Variants in CDH23 observed in about 807,000 individuals in gnomAD.
CDH23 encodes the protein cadherin-23.
In CDH23, 189 loss-of-function variants were observed where a neutral mutation model predicts 317.1. That is an observed-to-expected ratio of 0.60 (90% confidence interval 0.53 to 0.67). CDH23 has a LOEUF of 0.67. Ranked by LOEUF, CDH23 falls within the 30% of genes least tolerant of loss-of-function variation. The pLI is 0.00. For missense variants in CDH23, 4,401 were observed against 4,592.4 expected (o/e 0.96, Z 1.20); for synonymous variants, 1,839 against 1,876.8 (o/e 0.98, Z 0.52).
intron 9 of CDH23, among the ~76,000 whole-genome samples, chr10:71,594,344 TCTCTCTCTCTCCCTCC>T (rs1363414093): frequency 6.6e-6 from 1 of 152,132 alleles, no homozygotes; most frequent in African/African-American, 2.4e-5. Flanking sequence ...TTTCTTTCTC[TCTCTCTCTCTCCCTCC>T]CTCTCTCTCT....
chr10:71,815,206 C>T lies in CDH23; in HGVS notation c.9993C>T (p.Ser3331=), dbSNP rs540139281. Residue 3331 remains serine (S), a synonymous_variant, in exon 70 of 70, where the codon TCC becomes TCT. Coordinates refer to ENST00000224721, the MANE Select transcript of CDH23 (RefSeq NM_022124.6). ...TAFERNARTE[S]AKSTPLHKLR... ...TCGAGCGCAACGCCCGCACAGAATC[C>T]GCCAAATCCACACCCCTGCACAAAC... The T allele has an allele frequency of 2.1e-5, 34 of 1,605,948 alleles. No individual in the cohort carries two copies. The highest frequency in any genetic ancestry group is 1.7e-4 in the African/African-American group (13 of 74,860).
At chr10:71,529,609 C>T (rs184906118) in intron 6 of CDH23, among the ~76,000 whole-genome samples, 87 of 152,230 alleles carry the variant, frequency 5.7e-4, no homozygotes, top group Non-Finnish European at 9.9e-4. Flanking sequence ...TCTGCATATC[C>T]CTATTCCTCC....
chr10:71,675,536 C>T (rs1269336322), intron 15 of CDH23, among the ~76,000 whole-genome samples: 2 of 152,216 alleles, frequency 1.3e-5, no homozygotes, highest in Non-Finnish European at 2.9e-5. Context: ...TGGCCAAGGG[C>T]TTCACAGGCA....
intron 11 of CDH23, chr10:71,635,118 A>G (rs576917382): frequency 1.1e-4 from 17 of 152,596 alleles, no homozygotes; most frequent in Non-Finnish European, 2.4e-4. Context: ...CTTTGGAAGT[A>G]TAAGATTCCC....
chr10:71,485,023 CTTTT>C (rs56153129), intron 3 of CDH23, among the ~76,000 whole-genome samples: 1 of 110,132 alleles, frequency 9.1e-6, no homozygotes, highest in Non-Finnish European at 1.8e-5. Flanking sequence ...TTTCTTTTTT[CTTTT>C]TTTTTTTTTT....
intron 9 of CDH23, among the ~76,000 whole-genome samples, chr10:71,609,373 G>A (rs1216751475): frequency 6.6e-6 from 1 of 150,900 alleles, no homozygotes; most frequent in Non-Finnish European, 1.5e-5. Flanking sequence ...CCCTCTAGCT[G>A]CCACTCAGCC....
At chr10:71,559,220 A>T (rs1353437168) in intron 6 of CDH23, among the ~76,000 whole-genome samples, 1 of 152,114 alleles carries the variant, frequency 6.6e-6, no homozygotes, top group Non-Finnish European at 1.5e-5. Context: ...GACATCTCTC[A>T]TCTGCTGTTG....
chr10:71,691,330 G>A (rs1865176416), intron 20 of CDH23, among the ~76,000 whole-genome samples: 1 of 152,210 alleles, frequency 6.6e-6, no homozygotes, highest in African/African-American at 2.4e-5. Flanking sequence ...TTATTCATAT[G>A]TTCATTCAGA....
At chr10:71,652,163 T>C (rs1380206157) in intron 14 of CDH23, among the ~76,000 whole-genome samples, 1 of 151,974 alleles carries the variant, frequency 6.6e-6, no homozygotes, top group African/African-American at 2.4e-5. Flanking sequence ...GAGCCGTGGG[T>C]AGAGCTCCAC....
rs1387038499 is a variant in CDH23, at chr10:71,646,482, T to G, written c.1314T>G (p.Pro438=). The change falls in exon 14 of 70, where the codon CCT becomes CCG. Residue 438 remains proline (P), a synonymous_variant. Transcript: ENST00000224721. ...AGCTCTTTGCCAATGAGAGTGTGCC[T>G]GACCATGTGGGCTATGCCAAGGTGA... ...DFDLFANESV[P]DHVGYAKVKI... is the part of the protein sequence containing the mutation. 2 of 1,613,832 alleles carry G rather than the reference T, an allele frequency of 1.2e-6. No homozygotes were observed. Among genetic ancestry groups the G allele is most frequent in the Non-Finnish European group, 1.7e-6 (2 of 1,179,888 alleles).
intron 3 of CDH23, among the ~76,000 whole-genome samples, chr10:71,479,189 G>C (rs139880599): frequency 1.3e-5 from 2 of 152,116 alleles, no homozygotes; most frequent in Non-Finnish European, 2.9e-5. Context: ...TCAAACCCAG[G>C]TTTGGCTGTC....
intron 6 of CDH23, among the ~76,000 whole-genome samples, chr10:71,527,851 A>T (rs574666339): frequency 1.7e-4 from 26 of 152,262 alleles, no homozygotes; most frequent in African/African-American, 6.3e-4. Context: ...CTTGCATGTC[A>T]CTTCCAGCAT....
At chr10:71,703,040 C>T (rs1030154522) in intron 24 of CDH23, among the ~76,000 whole-genome samples, 3 of 152,156 alleles carry the variant, frequency 2.0e-5, no homozygotes, top group Admixed American at 6.5e-5. Context: ...TAGCCCTGGG[C>T]ATCTGCCTCT....
intron 22 of CDH23, among the ~76,000 whole-genome samples, chr10:71,701,185 T>C (rs563718467): frequency 1.4e-4 from 22 of 152,286 alleles, no homozygotes; most frequent in Admixed American, 6.5e-4. Flanking sequence ...TGGTGCTGTG[T>C]GACCCTAAGA....
intron 6 of CDH23, among the ~76,000 whole-genome samples, chr10:71,536,298 G>A (rs1481967817): frequency 3.9e-5 from 6 of 152,234 alleles, no homozygotes; most frequent in Non-Finnish European, 8.8e-5. Context: ...TTTAGGGAGT[G>A]GACAGAGGAG....
intron 1 of CDH23, among the ~76,000 whole-genome samples, chr10:71,426,510 G>A (rs994881621): frequency 2.6e-5 from 4 of 152,122 alleles, no homozygotes; most frequent in Non-Finnish European, 5.9e-5. Flanking sequence ...AGGCAGGAGG[G>A]GGCTAGGTGA....
chr10:71,684,264 C>A (rs1490853243), intron 18 of CDH23, among the ~76,000 whole-genome samples: 1 of 152,114 alleles, frequency 6.6e-6, no homozygotes, highest in African/African-American at 2.4e-5. Context: ...GCCTTAGTTT[C>A]CCAGACTTGA....
At chr10:71,622,668 G>A (rs74145208) in intron 11 of CDH23, among the ~76,000 whole-genome samples, 1 of 152,148 alleles carries the variant, frequency 6.6e-6, no homozygotes, top group African/African-American at 2.4e-5. Context: ...CCTCTCATCC[G>A]CTGTCAGGAG....
chr10:71,736,425 G>A (rs1334209049), intron 34 of CDH23, among the ~76,000 whole-genome samples: 3 of 152,296 alleles, frequency 2.0e-5, no homozygotes, highest in African/African-American at 4.8e-5. Context: ...AGCCCTGGCC[G>A]GCCCCAGAAG....
Sources: gnomAD v4.1 joint callset for allele counts (sites outside exome capture counted in the v4.1 genomes callset) on GRCh38, gnomAD v4.1.1 for gene constraint, MANE v1.5 for transcripts, NCBI Gene and HGNC (gene_info 2026-07-23, HGNC 2026-07-21) for gene names.